The following ARCN1 variants were observed in gnomAD, a reference collection of about 807,000 sequenced individuals.
The protein encoded by ARCN1 is archain 1 coat protein complex I subunit delta, also known as coatomer subunit delta.
In ARCN1, 5 loss-of-function variants were observed where a neutral mutation model predicts 60.4. The ratio of observed to expected loss-of-function variants is 0.08; its 90% confidence interval spans 0.04 to 0.17. The LOEUF is 0.17. Among genes scored for constraint, ARCN1 ranks in the 10% least tolerant of loss-of-function variants. The probability of loss-of-function intolerance (pLI) is 1.00; values close to 1 mark genes in which losing one functional copy is unlikely to be tolerated. For synonymous variants in ARCN1, 224 were observed against 220.0 expected, an observed-to-expected ratio of 1.02 and a Z score of -0.16; for missense variants, 464 against 626.5, an observed-to-expected ratio of 0.74 and a Z score of 2.77.
rs944355658 is a variant in ARCN1, at chr11:118,573,685, C to G, written c.3+1135C>G. On this transcript the variant is annotated intron_variant, in intron 1 of 9. Coordinates refer to ENST00000264028, the MANE Select transcript of ARCN1 (RefSeq NM_001655.5). The stretch of plus-strand genomic sequence containing the variant: ...GGCAGAATGTAATTTGGTGGCAATC[C>G]TAATAAGTTCTATTGACAACCCTTT... 29 of 702,482 alleles carry G rather than the reference C, an allele frequency of 4.1e-5. 1 individual carries two copies. In the Admixed American group the frequency reaches 5.8e-4, roughly 14 times the overall value. 43.5% of individuals were successfully genotyped at this position (702,482 alleles called of 1,614,324 possible). A position where few individuals can be genotyped will look rare whatever the true frequency, so the allele number is the denominator to read the frequency against.
chr11:118,601,466 C>A lies in ARCN1; in HGVS notation c.*752C>A, dbSNP rs1939147240. On this transcript the variant is annotated 3_prime_UTR_variant, in exon 10 of 10. Transcript: ENST00000264028. Reference sequence around the variant, plus strand: ...CTGTAGAAAATTTTAATCATTCATACCCTTTACCTTTAGGTTTTTCTTTCT... The same window carrying A: ...CTGTAGAAAATTTTAATCATTCATAACCTTTACCTTTAGGTTTTTCTTTCT... 1.6e-6 allele frequency: 1 copy of A among 614,708 alleles called. No individual in the cohort carries two copies. Among genetic ancestry groups the A allele is most frequent in the Admixed American group, 2.8e-5 (1 of 35,966 alleles). 38.1% of individuals were successfully genotyped at this position (614,708 alleles called of 1,614,324 possible).
intron 2 of ARCN1, among the ~76,000 whole-genome samples, chr11:118,581,925 G>GACACAC (rs1361432735): frequency 7.4e-5 from 9 of 120,988 alleles, no homozygotes; most frequent in East Asian, 6.6e-4. Context: ...TCCAGAGACA[G>GACACAC]ACAGACAGAC....
Position 118,602,009 on chromosome 11 carries a change from T to A in ARCN1, c.*1295T>A. On this transcript the variant is annotated 3_prime_UTR_variant, in exon 10 of 10. Transcript: ENST00000264028. ...TCCAGACTGCACTCTCTGTCATCAG[T>A]CCCCTCCTTTCTAACAGAAATGGGG... is the stretch of plus-strand genomic sequence containing the variant. 2.7e-6 allele frequency: 1 copy of A among 373,180 alleles called. No individual in the cohort carries two copies. The highest frequency in any genetic ancestry group is 4.9e-6 in the Non-Finnish European group (1 of 205,704). The allele number at this position is 373,180 out of a possible 1,614,324, so 23.1% of individuals were successfully genotyped here.
rs1938645315 is a variant in ARCN1 at position 118,581,364 on chromosome 11, A to G, written c.122A>G (p.Asn41Ser). ...TTAGCAGCTTTTCCAAAGCTCATGAACACTGGAAAACAACATACGTTTGTT... is the reference window on the plus strand; with the variant it reads ...TTAGCAGCTTTTCCAAAGCTCATGAGCACTGGAAAACAACATACGTTTGTT... ...GLLAAFPKLM[N>S]TGKQHTFVET... is the part of the protein sequence containing the mutation. Residue 41 changes from asparagine to serine, a missense_variant, in exon 2 of 10, where the codon AAC (asparagine) becomes AGC (serine). This residue lies in a region of ARCN1 where 105 missense variants were observed against 186.3 expected (regional missense o/e 0.56). Transcript: ENST00000264028. The G allele has an allele frequency of 8.1e-6, 13 of 1,614,218 alleles. No homozygotes were observed. Among genetic ancestry groups the G allele is most frequent in the Non-Finnish European group, 1.1e-5 (13 of 1,180,038 alleles).
At position 118,593,687 on chromosome 11, in the gene ARCN1, C is replaced by T; in HGVS notation, c.1230C>T (p.Thr410=). 6.2e-7 allele frequency: 1 copy of T among 1,607,486 alleles called. No individual in the cohort carries two copies. ...DNLELNDVVI[T]IPLPSGVGAP... is the part of the protein sequence containing the mutation. The stretch of plus-strand genomic sequence containing the variant: ...TAGAACTGAATGATGTGGTTATCAC[C>T]ATCCCACTCCCGTAAGTGCTGTCCC... Residue 410 remains threonine (T), a synonymous_variant, in exon 8 of 10, where the codon ACC becomes ACT. Transcript: ENST00000264028.
chr11:118,584,087 T>G lies in ARCN1; in HGVS notation c.653+73T>G. 5 of 1,430,716 alleles carry G rather than the reference T, an allele frequency of 3.5e-6. No homozygotes were observed. In the South Asian group the frequency reaches 6.4e-5, roughly 18 times the overall value. The allele number at this position is 1,430,716 out of a possible 1,614,324, so 88.6% of individuals were successfully genotyped here. A position where few individuals can be genotyped will look rare whatever the true frequency, so the allele number is the denominator to read the frequency against. ...TCTATCTTTGAAGTCATAATCTGAT[T>G]TCTTGGAAAGCTGTAAATAAAGAAG... On this transcript the variant is annotated intron_variant, in intron 4 of 9. Coordinates refer to ENST00000264028, the MANE Select transcript of ARCN1 (RefSeq NM_001655.5).
intron 5 of ARCN1, among the ~76,000 whole-genome samples, chr11:118,589,361 G>T (rs1555075927): frequency 1.3e-5 from 2 of 152,118 alleles, no homozygotes; most frequent in Non-Finnish European, 2.9e-5. Flanking sequence ...CTTACAAATA[G>T]AAAGTTTTTT....
intron 1 of ARCN1, 133 bp from the exon 2 acceptor site, chr11:118,581,113 C>G (rs1193553610): frequency 1.7e-6 from 2 of 1,189,948 alleles, no homozygotes; most frequent in African/African-American, 3.1e-5. Context: ...GAGTGAGACC[C>G]TGTCTTAAAA....
At chr11:118,575,116 C>T (rs1473334198) in intron 1 of ARCN1, among the ~76,000 whole-genome samples, 3 of 152,118 alleles carry the variant, frequency 2.0e-5, no homozygotes, top group African/African-American at 7.2e-5. Flanking sequence ...GTAGCTGGGA[C>T]TGCAGGCGCC....
intron 5 of ARCN1, 76 bp from the exon 6 acceptor site, chr11:118,590,265 G>A: frequency 3.1e-6 from 4 of 1,308,246 alleles, no homozygotes; most frequent in Non-Finnish European, 4.3e-6. Flanking sequence ...AAAGTGCTGG[G>A]GTTATAGGCA....
chr11:118,589,578 C>T (rs955462189), intron 5 of ARCN1, among the ~76,000 whole-genome samples: 17 of 152,098 alleles, frequency 1.1e-4, no homozygotes, highest in African/African-American at 2.7e-4. Context: ...TCACCACACC[C>T]GGCTAATTTT....
chr11:118,576,621 A>G (rs1473574728), intron 1 of ARCN1, among the ~76,000 whole-genome samples: 1 of 152,146 alleles, frequency 6.6e-6, no homozygotes, highest in Non-Finnish European at 1.5e-5. Context: ...AAGAAGACAA[A>G]TGTTAATTTA....
In ARCN1 at chr11:118,577,467, C is replaced by T. The variant is rs137990370; in HGVS notation, c.4-3779C>T. On this transcript the variant is annotated intron_variant, in intron 1 of 9. Coordinates refer to ENST00000264028, the MANE Select transcript of ARCN1 (RefSeq NM_001655.5). ...TTTCCCATGTTGACCAGGCTGGTCT[C>T]GAACTCCTGACCTCAGGTGATCTGC... Among the ~76,000 whole-genome samples the T allele has an allele frequency of 6.9e-3, 1,046 of 152,100 alleles. 11 individuals are homozygous for T. The highest frequency in any genetic ancestry group is 0.022 in the African/African-American group (934 of 41,520).
rs1939068542 is a variant in ARCN1, at chr11:118,598,082, TCTTTTATTG to T, written c.1446+176_1446+184del. On this transcript the variant is annotated intron_variant, in intron 9 of 9. Coordinates refer to ENST00000264028, the MANE Select transcript of ARCN1 (RefSeq NM_001655.5). ...ATTCATTGTATGATCGTGGTCAAAT[TCTTTTATTG>T]CTTTACCTCAGTTTTCCTCTCTAGA... 2.0e-5 allele frequency among the ~76,000 whole-genome samples: 3 copies of T among 152,320 alleles called. No homozygotes were observed. The South Asian group carries it at 6.2e-4, about 32-fold the overall frequency.
In ARCN1 at chr11:118,575,411, G is replaced by GGTGT. The variant is rs56934953; in HGVS notation, c.3+2884_3+2887dup. Among the ~76,000 whole-genome samples the GGTGT allele has an allele frequency of 4.3e-3, 643 of 149,172 alleles. 2 individuals are homozygous for GGTGT. The highest frequency in any genetic ancestry group is 7.3e-3 in the African/African-American group (297 of 40,744). ...AAGTTCACTGCAGAAACTGATAACGGGTGTGTGTGTGTGTGTGTGTGTGTG... is the reference window on the plus strand; with the variant it reads ...AAGTTCACTGCAGAAACTGATAACGGGTGTGTGTGTGTGTGTGTGTGTGTGTGTG... On this transcript the variant is annotated intron_variant, in intron 1 of 9. Transcript: ENST00000264028.
chr11:118,599,497 C>G (rs1195274010), intron 9 of ARCN1, among the ~76,000 whole-genome samples: 1 of 149,870 alleles, frequency 6.7e-6, no homozygotes, highest in Admixed American at 6.6e-5. Context: ...GCGATCTCAG[C>G]TCACTGCAGC....
At chr11:118,589,420 G>A (rs1434006207) in intron 5 of ARCN1, among the ~76,000 whole-genome samples, 2 of 149,768 alleles carry the variant, frequency 1.3e-5, no homozygotes, top group Non-Finnish European at 2.9e-5. Context: ...GGGTGGATAT[G>A]CCTTTATTTT....
Position 118,591,762 on chromosome 11 carries a change from T to C in ARCN1, c.985-947T>C, listed in dbSNP as rs568327323. 2.7e-5 allele frequency among the ~76,000 whole-genome samples: 4 copies of C among 149,936 alleles called. No homozygotes were observed. The South Asian group carries it at 8.4e-4, about 32-fold the overall frequency. ...TGTTTTTTTTTTTGTTTTTGCACAG[T>C]CTCTCTCTGTCATGCGGGCTGGAGT... On this transcript the variant is annotated intron_variant, in intron 6 of 9. Coordinates refer to ENST00000264028, the MANE Select transcript of ARCN1 (RefSeq NM_001655.5).
intron 8 of ARCN1, among the ~76,000 whole-genome samples, chr11:118,596,735 A>G (rs999580032): frequency 7.9e-5 from 12 of 152,176 alleles, no homozygotes; most frequent in Admixed American, 7.9e-4. Flanking sequence ...AATCTTAACT[A>G]GCCCTGCTTC....
Sources: allele counts gnomAD v4.1 joint callset (sites outside exome capture counted in the v4.1 genomes callset), GRCh38; gene constraint gnomAD v4.1.1; regional missense constraint gnomAD v4.1.1; transcripts MANE v1.5; gene names NCBI Gene and HGNC (gene_info 2026-07-23, HGNC 2026-07-21).